Variants in ROR1 observed in about 807,000 individuals in gnomAD.
ROR1 encodes the protein ROR family WNT receptor 1.
In ROR1, 19 loss-of-function variants were observed where a neutral mutation model predicts 78.8. That is an observed-to-expected ratio of 0.24 (90% CI 0.17 to 0.35). The LOEUF is 0.35. Ranked by LOEUF, ROR1 falls within the 10% of genes least tolerant of loss-of-function variation. The pLI, the probability that ROR1 is intolerant of heterozygous loss-of-function variation, is 1.00. For synonymous variants in ROR1, 386 were observed against 433.6 expected (o/e 0.89, Z 1.36); for missense variants, 917 against 1,177.8 (o/e 0.78, Z 3.24).
At chr1:63,797,751 C>T (rs1193065252) in intron 1 of ROR1, among the ~76,000 whole-genome samples, 1 of 152,062 alleles carries the variant, frequency 6.6e-6, no homozygotes, top group Non-Finnish European at 1.5e-5. Context: ...TTGATAAACA[C>T]TCAAATGATG....
intron 1 of ROR1, among the ~76,000 whole-genome samples, chr1:63,956,923 C>CTATTTTATTTTTTT (rs1645987186): frequency 6.6e-6 from 1 of 152,124 alleles, no homozygotes; most frequent in Admixed American, 6.5e-5. Flanking sequence ...AATGTAGCAT[C>CTATTTTATTTTTTT]TATTTTATTA....
chr1:63,915,365 G>C (rs754383671), intron 1 of ROR1, among the ~76,000 whole-genome samples: 1 of 152,118 alleles, frequency 6.6e-6, no homozygotes, highest in Admixed American at 6.5e-5. Flanking sequence ...CTCTAAGAAG[G>C]GTGCACATAA....
chr1:64,174,896 A>G (rs943715565), intron 8 of ROR1, among the ~76,000 whole-genome samples: 4 of 152,042 alleles, frequency 2.6e-5, no homozygotes, highest in Non-Finnish European at 5.9e-5. Flanking sequence ...GGAATTCTAC[A>G]AGCTCCCACA....
rs181068302 is a variant in ROR1, at chr1:64,166,515, G to T, written c.1386+7323G>T. Among the ~76,000 whole-genome samples the T allele has an allele frequency of 1.5e-4, 23 of 152,282 alleles. No individual in the cohort carries two copies. In the East Asian group the frequency reaches 4.4e-3, roughly 29 times the overall value. ...ATGGAATGTTTTTTCATTTGTTTGT[G>T]TCATCTCTGATTTCTTTGAGCAGTG... is the stretch of plus-strand genomic sequence containing the variant. On this transcript the variant is annotated intron_variant, in intron 8 of 8. Coordinates refer to ENST00000371079, the MANE Select transcript of ROR1 (RefSeq NM_005012.4).
At chr1:63,962,624 T>C (rs1646038500) in intron 1 of ROR1, among the ~76,000 whole-genome samples, 1 of 152,158 alleles carries the variant, frequency 6.6e-6, no homozygotes, top group Non-Finnish European at 1.5e-5. Flanking sequence ...ATCCATCAGA[T>C]GAGGGAGCGG....
intron 1 of ROR1, among the ~76,000 whole-genome samples, chr1:63,799,345 A>G (rs947180630): frequency 2.0e-5 from 3 of 152,106 alleles, no homozygotes; most frequent in African/African-American, 4.8e-5. Flanking sequence ...CATAGCCTAC[A>G]TTGTCTGACT....
At chr1:64,005,684 T>G (rs1352327665) in intron 1 of ROR1, among the ~76,000 whole-genome samples, 1 of 152,162 alleles carries the variant, frequency 6.6e-6, no homozygotes, top group Non-Finnish European at 1.5e-5. Context: ...CAGTTTTCCT[T>G]TCAGTGAAGA....
At chr1:63,792,325 T>C (rs1317609408) in intron 1 of ROR1, among the ~76,000 whole-genome samples, 1 of 152,190 alleles carries the variant, frequency 6.6e-6, no homozygotes, top group Non-Finnish European at 1.5e-5. Context: ...CAGGCAGTAT[T>C]CAGGTGCCGC....
chr1:63,959,185 A>G (rs1203594528), intron 1 of ROR1, among the ~76,000 whole-genome samples: 1 of 152,172 alleles, frequency 6.6e-6, no homozygotes, highest in Non-Finnish European at 1.5e-5. Context: ...AAAGGGGGAA[A>G]AGCCCCTTAT....
At chr1:63,808,536 G>A (rs978376655) in intron 1 of ROR1, among the ~76,000 whole-genome samples, 2 of 152,218 alleles carry the variant, frequency 1.3e-5, no homozygotes, top group Non-Finnish European at 2.9e-5. Flanking sequence ...AGGAGGTATT[G>A]ATAAATGTCT....
At chr1:63,828,652 A>T (rs1356094125) in intron 1 of ROR1, among the ~76,000 whole-genome samples, 1 of 152,212 alleles carries the variant, frequency 6.6e-6, no homozygotes, top group Admixed American at 6.5e-5. Context: ...ATTTGATTCC[A>T]GCATATTTAA....
At chr1:63,906,314 A>G (rs1187877656) in intron 1 of ROR1, among the ~76,000 whole-genome samples, 1 of 152,214 alleles carries the variant, frequency 6.6e-6, no homozygotes, top group Admixed American at 6.5e-5. Context: ...CCTCTTTTGT[A>G]GAAAGCAAGG....
At chr1:63,917,738 C>T (rs1490957992) in intron 1 of ROR1, among the ~76,000 whole-genome samples, 1 of 152,122 alleles carries the variant, frequency 6.6e-6, no homozygotes, top group East Asian at 1.9e-4. Flanking sequence ...GAGCCCTGGC[C>T]ACAGGAAATG....
At chr1:63,820,552 T>C (rs1412441111) in intron 1 of ROR1, among the ~76,000 whole-genome samples, 1 of 152,232 alleles carries the variant, frequency 6.6e-6, no homozygotes, top group African/African-American at 2.4e-5. Context: ...TTTTCTCTGC[T>C]ACCTTGCAGT....
At chr1:64,004,950 A>T (rs1646416544) in intron 1 of ROR1, among the ~76,000 whole-genome samples, 4 of 152,176 alleles carry the variant, frequency 2.6e-5, no homozygotes, top group Admixed American at 2.6e-4. Flanking sequence ...GAGAAAGATA[A>T]GGGTTGGAGT....
At chr1:64,106,468 T>C (rs1647815492) in intron 4 of ROR1, 1 of 152,162 alleles carries the variant, frequency 6.6e-6, no homozygotes, top group Non-Finnish European at 1.5e-5. Context: ...TCTTGCCCGA[T>C]TGCCCTGGCC....
chr1:63,965,180 GC>G (rs933327322), intron 1 of ROR1, among the ~76,000 whole-genome samples: 6 of 152,046 alleles, frequency 3.9e-5, no homozygotes, highest in Non-Finnish European at 8.8e-5. Context: ...TAAGAAATTT[GC>G]CCAACGTTAA....
At chr1:64,088,803 T>C (rs1647173275) in intron 4 of ROR1, among the ~76,000 whole-genome samples, 1 of 152,094 alleles carries the variant, frequency 6.6e-6, no homozygotes. Flanking sequence ...CAAAAGACAG[T>C]ATACCTCAAG....
chr1:63,993,105 G>C (rs1309104905), intron 1 of ROR1, among the ~76,000 whole-genome samples: 1 of 152,190 alleles, frequency 6.6e-6, no homozygotes, highest in Non-Finnish European at 1.5e-5. Context: ...AATTAGTATG[G>C]CTCCCTGGGG....
Sources: gnomAD v4.1 joint callset for allele counts (sites outside exome capture counted in the v4.1 genomes callset) on GRCh38, gnomAD v4.1.1 for gene constraint, MANE v1.5 for transcripts, NCBI Gene and HGNC (gene_info 2026-07-23, HGNC 2026-07-21) for gene names.